Variants in RPN2 observed in about 807,000 individuals in gnomAD.
RPN2 encodes the protein dolichyl-diphosphooligosaccharide--protein glycosyltransferase subunit 2.
A neutral mutation model predicts 71.4 loss-of-function variants in RPN2; 29 were observed. The ratio of observed to expected loss-of-function variants is 0.41; its 90% CI spans 0.30 to 0.55. RPN2 has a LOEUF of 0.55. Ranked by LOEUF, RPN2 falls within the 20% of genes least tolerant of loss-of-function variation. The pLI is 0.35. For synonymous variants in RPN2, 308 were observed against 305.0 expected, an observed-to-expected ratio of 1.01 and a Z score of -0.10; for missense variants, 726 against 774.1, an observed-to-expected ratio of 0.94 and a Z score of 0.74.
chr20:37,225,611 G>A, intron 10 of RPN2, 77 bp from the exon 11 acceptor site: 4 of 935,408 alleles, frequency 4.3e-6, no homozygotes, highest in South Asian at 2.6e-5. Flanking sequence ...AGGCAATGAA[G>A]TGAAGTATAT....
At chr20:37,239,269 G>T (rs905446310) in intron 16 of RPN2, among the ~76,000 whole-genome samples, 1 of 152,248 alleles carries the variant, frequency 6.6e-6, no homozygotes, top group Non-Finnish European at 1.5e-5. Flanking sequence ...ACAAATGGGT[G>T]TGGCTGTGTT....
intron 12 of RPN2, among the ~76,000 whole-genome samples, chr20:37,229,461 G>A (rs573989546): frequency 3.8e-4 from 58 of 152,162 alleles, no homozygotes; most frequent in Non-Finnish European, 7.1e-4. Context: ...GAGGTGATGA[G>A]CTTGGAAAGG....
chr20:37,186,983 T>C (rs1268350622), intron 2 of RPN2, among the ~76,000 whole-genome samples: 1 of 152,244 alleles, frequency 6.6e-6, no homozygotes, highest in East Asian at 1.9e-4. Flanking sequence ...GGTGAAAATA[T>C]TTCACAGGTG....
chr20:37,192,110 CAAATTACTTTAA>C (rs1173571616), intron 2 of RPN2, among the ~76,000 whole-genome samples: 2 of 152,018 alleles, frequency 1.3e-5, no homozygotes, highest in African/African-American at 4.8e-5. Context: ...TCAAAGAAAC[CAAATTACTTTAA>C]AAAAATGCCT....
At chr20:37,224,908 A>G (rs2096648945) in intron 10 of RPN2, among the ~76,000 whole-genome samples, 1 of 152,226 alleles carries the variant, frequency 6.6e-6, no homozygotes, top group African/African-American at 2.4e-5. Flanking sequence ...TGGAGATAAG[A>G]GCACTGTTTA....
intron 2 of RPN2, among the ~76,000 whole-genome samples, chr20:37,192,466 C>G (rs1230724549): frequency 6.6e-6 from 1 of 152,196 alleles, no homozygotes; most frequent in Non-Finnish European, 1.5e-5. Flanking sequence ...CGGCACTCAC[C>G]CTGTCTGCCA....
chr20:37,203,792 G>T, intron 4 of RPN2, 93 bp from the exon 5 acceptor site: 1 of 874,100 alleles, frequency 1.1e-6, no homozygotes, highest in Non-Finnish European at 1.9e-6. Context: ...AAGAACAAGA[G>T]TAGGATATTT....
intron 1 of RPN2, among the ~76,000 whole-genome samples, chr20:37,181,906 A>G (rs2066892309): frequency 2.1e-5 from 1 of 47,992 alleles, no homozygotes; most frequent in Admixed American, 1.9e-4. Context: ...TAATGTGATA[A>G]ATAATGTTAT....
chr20:37,204,092 C>CT (rs1258125732), intron 5 of RPN2, 132 bp downstream of exon 5: 1 of 724,810 alleles, frequency 1.4e-6, no homozygotes, highest in East Asian at 2.7e-5. Context: ...CACTTGTGTT[C>CT]TTTGTATTAA....
chr20:37,216,907 A>G (rs117646279), intron 9 of RPN2, among the ~76,000 whole-genome samples: 4,064 of 150,776 alleles, frequency 0.027, 84 homozygotes, highest in Non-Finnish European at 0.039. Context: ...TTGTTTGTTT[A>G]TATGCATTGC....
At chr20:37,228,259 T>C (rs972689805) in intron 11 of RPN2, among the ~76,000 whole-genome samples, 1 of 152,142 alleles carries the variant, frequency 6.6e-6, no homozygotes, top group Non-Finnish European at 1.5e-5. Context: ...ATTGCAGCAA[T>C]AGCAAAGGGC....
Position 37,228,577 on chromosome 20 carries a change from A to T in RPN2, c.1327A>T (p.Thr443Ser), listed in dbSNP as rs183537744. The change falls in exon 12 of 17, where the codon ACT (threonine) becomes TCT (serine). Residue 443 changes from threonine to serine, a missense_variant. Thr to Ser is a moderately conservative substitution (Grantham distance 58, BLOSUM62 1). Coordinates refer to ENST00000237530, the MANE Select transcript of RPN2 (RefSeq NM_002951.5). ...ATTTGTCCGACTCCATAACCAGAAGACTGGCCAGGAAGTGGTGTTTGTTGC... is the reference window on the plus strand; with the variant it reads ...ATTTGTCCGACTCCATAACCAGAAGTCTGGCCAGGAAGTGGTGTTTGTTGC... ...QTFVRLHNQK[T>S]GQEVVFVAEP... The T allele has an allele frequency of 3.5e-5, 57 of 1,614,140 alleles. No homozygotes were observed. The East Asian group carries it at 1.2e-3, about 35-fold the overall frequency.
chr20:37,184,259 G>A lies in RPN2; in HGVS notation c.93G>A (p.Lys31=), dbSNP rs2066953639. 6.2e-7 allele frequency: 1 copy of A among 1,614,188 alleles called. No individual in the cohort carries two copies. The highest frequency in any genetic ancestry group is 8.5e-7 in the Non-Finnish European group (1 of 1,180,042). The change falls in exon 2 of 17, where the codon AAG becomes AAA. Residue 31 remains lysine (K), a synonymous_variant. Transcript: ENST00000237530. ...WALTPTHYLT[K]HDVERLKASL... ...TGACGCCCACTCACTACCTCACCAA[G>A]CATGACGTGGAGAGACTAAAAGCCT... is the stretch of plus-strand genomic sequence containing the variant.
intron 14 of RPN2, among the ~76,000 whole-genome samples, 173 bp from the exon 15 acceptor site, chr20:37,233,847 T>C (rs752547113): frequency 2.6e-5 from 4 of 152,212 alleles, no homozygotes; most frequent in Non-Finnish European, 5.9e-5. Flanking sequence ...AGGGAACAAG[T>C]TTCCCCGAGG....
intron 14 of RPN2, among the ~76,000 whole-genome samples, chr20:37,233,092 G>A (rs2068294258): frequency 6.6e-6 from 1 of 151,954 alleles, no homozygotes; most frequent in Non-Finnish European, 1.5e-5. Flanking sequence ...TAATGGTGAC[G>A]TATGCCTGTA....
chr20:37,214,555 C>T (rs1010966690), intron 9 of RPN2, among the ~76,000 whole-genome samples: 1 of 152,172 alleles, frequency 6.6e-6, no homozygotes, highest in African/African-American at 2.4e-5. Flanking sequence ...TACTTTCTTA[C>T]TTCCAATTTA....
At chr20:37,188,194 A>C (rs1227842004) in intron 2 of RPN2, among the ~76,000 whole-genome samples, 1 of 151,982 alleles carries the variant, frequency 6.6e-6, no homozygotes, top group Non-Finnish European at 1.5e-5. Context: ...TTTTGAGATG[A>C]AGGCTTACTC....
At position 37,207,465 on chromosome 20, in the gene RPN2, C is replaced by A; in HGVS notation, c.867+16C>A. 2.5e-6 allele frequency: 4 copies of A among 1,612,450 alleles called. No individual in the cohort carries two copies. Among genetic ancestry groups the A allele is most frequent in the Non-Finnish European group, 2.5e-6 (3 of 1,178,530 alleles). ...TATCTTGCGGGTAAGACATCCATGC[C>A]CAAAGTGTGCCCCTCTGATTATCAT... On this transcript the variant is annotated intron_variant, in intron 7 of 16. Coordinates refer to ENST00000237530, the MANE Select transcript of RPN2 (RefSeq NM_002951.5).
At chr20:37,204,948 G>GCTGT in intron 6 of RPN2, 47 bp downstream of exon 6, 1 of 1,613,630 alleles carries the variant, frequency 6.2e-7, no homozygotes, top group Non-Finnish European at 8.5e-7. Context: ...GGGGTCATCA[G>GCTGT]CTGTATCTGC....
Sources: gnomAD v4.1 joint callset for allele counts (sites outside exome capture counted in the v4.1 genomes callset) on GRCh38, gnomAD v4.1.1 for gene constraint, MANE v1.5 for transcripts, NCBI Gene and HGNC (gene_info 2026-07-23, HGNC 2026-07-21) for gene names.